The following TDO2 variants were observed in gnomAD, a reference collection of about 807,000 sequenced individuals.
TDO2 encodes tryptamin 2,3-dioxygenase.
In TDO2, 63 loss-of-function variants were observed where a neutral mutation model predicts 61.2. The ratio of observed to expected loss-of-function variants is 1.03; its 90% CI spans 0.84 to 1.27. The LOEUF (loss-of-function observed/expected upper bound fraction) is 1.27. Ranked by LOEUF, TDO2 falls within the 50% of genes most tolerant of loss-of-function variation. The probability of loss-of-function intolerance (pLI) is 0.00; values close to 1 mark genes in which losing one functional copy is unlikely to be tolerated. For synonymous variants in TDO2, 183 were observed against 164.0 expected (o/e 1.12, Z -0.89); for missense variants, 494 against 469.5 (o/e 1.05, Z -0.48).
intron 9 of TDO2, among the ~76,000 whole-genome samples, 157 bp from the exon 10 acceptor site, chr4:155,917,238 G>A (rs1295202395): frequency 6.6e-6 from 1 of 152,188 alleles, no homozygotes; most frequent in Non-Finnish European, 1.5e-5. Flanking sequence ...TTGAGATGGA[G>A]AAACTGAGAC....
At chr4:155,903,996 T>C (rs1219130629) in intron 1 of TDO2, 22 bp from the exon 2 acceptor site, 2 of 1,603,384 alleles carry the variant, frequency 1.2e-6, no homozygotes, top group South Asian at 1.1e-5. Flanking sequence ...TATTTTTCCC[T>C]CTTGATTTAT....
intron 2 of TDO2, 137 bp from the exon 3 acceptor site, chr4:155,904,930 T>A (rs1320072935): frequency 1.7e-6 from 1 of 593,548 alleles, no homozygotes; most frequent in African/African-American, 1.9e-5. Flanking sequence ...TCGTCCATTG[T>A]TTAAAAGAAA....
chr4:155,917,463 C>A lies in TDO2; in HGVS notation c.965C>A (p.Thr322Asn). The A allele has an allele frequency of 6.2e-7, 1 of 1,610,908 alleles. No homozygotes were observed. The highest frequency in any genetic ancestry group is 8.5e-7 in the Non-Finnish European group (1 of 1,178,682). Reference protein sequence around the residue: ...TSLMDIDSLMTKWRYNHVCMV... With the variant: ...TSLMDIDSLMNKWRYNHVCMV... The stretch of plus-strand genomic sequence containing the variant: ...CTTATGGACATAGATTCACTGATGA[C>A]CAAATGGAGATGTAAGTCCTTCCCA... Residue 322 changes from threonine (T) to asparagine (N), a missense_variant, in exon 10 of 12, where the codon ACC (threonine) becomes AAC (asparagine). Transcript: ENST00000536354.
chr4:155,907,047 G>C (rs1264425387), intron 3 of TDO2: 1 of 152,128 alleles, frequency 6.6e-6, no homozygotes, highest in Non-Finnish European at 1.5e-5. Flanking sequence ...GCAGTATTCA[G>C]GTTTGAACAA....
At chr4:155,904,825 A>G (rs1257685229) in intron 2 of TDO2, among the ~76,000 whole-genome samples, 1 of 152,180 alleles carries the variant, frequency 6.6e-6, no homozygotes, top group Non-Finnish European at 1.5e-5. Context: ...TGTCTCAAAG[A>G]GCTTAATAGG....
chr4:155,906,346 A>G (rs991020375), intron 3 of TDO2: 2 of 152,210 alleles, frequency 1.3e-5, no homozygotes, highest in Non-Finnish European at 2.9e-5. Flanking sequence ...AAAGATATAC[A>G]TAAACTGATC....
intron 8 of TDO2, among the ~76,000 whole-genome samples, chr4:155,914,910 C>T (rs766682472): frequency 6.6e-6 from 1 of 152,064 alleles, no homozygotes; most frequent in Non-Finnish European, 1.5e-5. Context: ...TACTAAGTTT[C>T]TTTTATTAGC....
chr4:155,911,362 C>A, intron 6 of TDO2, 135 bp from the exon 7 acceptor site: 11 of 464,684 alleles, frequency 2.4e-5, no homozygotes, highest in East Asian at 4.2e-5. Context: ...AAATAAAAAA[C>A]ATTTACAAAT....
chr4:155,903,995 C>T lies in TDO2; in HGVS notation c.36-23C>T, dbSNP rs762866821. 45 of 1,600,236 alleles carry T rather than the reference C, an allele frequency of 2.8e-5. No homozygotes were observed. The Middle Eastern group carries it at 5.0e-4, about 18-fold the overall frequency. On this transcript the variant is annotated intron_variant, in intron 1 of 11. Transcript: ENST00000536354. Reference sequence around the variant, plus strand: ...GTGTTTTCTAAAGCACTATTTTTCCCTCTTGATTTATTAAATTTGCAGATA... The same window carrying T: ...GTGTTTTCTAAAGCACTATTTTTCCTTCTTGATTTATTAAATTTGCAGATA...
At chr4:155,917,703 GA>G (rs1307668463) in intron 10 of TDO2, among the ~76,000 whole-genome samples, 1 of 152,050 alleles carries the variant, frequency 6.6e-6, no homozygotes, top group East Asian at 1.9e-4. Flanking sequence ...GGGGGCTCAT[GA>G]AAATGTTTTA....
At chr4:155,907,227 G>A (rs1230946591) in intron 3 of TDO2, 1 of 152,446 alleles carries the variant, frequency 6.6e-6, no homozygotes, top group East Asian at 1.9e-4. Flanking sequence ...TCTATGAGTT[G>A]CTAGGATTTT....
chr4:155,919,233 C>T (rs77792274), intron 11 of TDO2, among the ~76,000 whole-genome samples: 1,677 of 152,212 alleles, frequency 0.011, 26 homozygotes, highest in African/African-American at 0.037. Context: ...GTCAAAGGTC[C>T]TTGAATTGTA....
Position 155,911,615 on chromosome 4 carries a change from G to T in TDO2, c.726+11G>T. On this transcript the variant is annotated intron_variant, in intron 7 of 11. Coordinates refer to ENST00000536354, the MANE Select transcript of TDO2 (RefSeq NM_005651.4). ...TTCATAAGGATTCAGGTATTTAGAT[G>T]ACATGAGTTAATATAAATTCAATAC... The T allele has an allele frequency of 2.1e-6, 3 of 1,424,942 alleles. No homozygotes were observed. Among genetic ancestry groups the T allele is most frequent in the Non-Finnish European group, 2.8e-6 (3 of 1,059,580 alleles). The allele number at this position is 1,424,942 out of a possible 1,614,324, so 88.3% of individuals were successfully genotyped here.
At chr4:155,918,360 C>T (rs1004708556) in intron 11 of TDO2, 121 bp downstream of exon 11, 4 of 745,920 alleles carry the variant, frequency 5.4e-6, no homozygotes, top group Non-Finnish European at 8.9e-6. Flanking sequence ...ACTAACAACA[C>T]GTTTGTAGTT....
chr4:155,912,962 C>A (rs1742862952), intron 7 of TDO2, among the ~76,000 whole-genome samples: 1 of 152,046 alleles, frequency 6.6e-6, no homozygotes, highest in Non-Finnish European at 1.5e-5. Context: ...AATCAGTGAT[C>A]CTTGGCTCCG....
intron 3 of TDO2, 100 bp from the exon 4 acceptor site, chr4:155,907,622 A>T: frequency 1.3e-6 from 1 of 753,882 alleles, no homozygotes; most frequent in Non-Finnish European, 2.2e-6. Flanking sequence ...TTAAGGTAAC[A>T]TTTTAATTTC....
In TDO2 at chr4:155,908,934, A is replaced by G. The variant is rs774412784; in HGVS notation, c.351A>G (p.Arg117=). The change falls in exon 5 of 12, where the codon CGA becomes CGG. Residue 117 remains arginine (R), a synonymous_variant. Transcript: ENST00000536354. ...TTAAGGTTGTTTCTCGGATGCACCG[A>G]GTGTCAGTGATCCTGAAACTGCTGG... ...NMLKVVSRMH[R]VSVILKLLVQ... is the part of the protein sequence containing the mutation. The G allele has an allele frequency of 6.2e-7, 1 of 1,613,258 alleles. No homozygotes were observed. The highest frequency in any genetic ancestry group is 8.5e-7 in the Non-Finnish European group (1 of 1,179,690).
rs1742963297 is a variant in TDO2 at position 155,917,449 on chromosome 4, A to G, written c.951A>G (p.Ile317Met). The change falls in exon 10 of 12, where the codon ATA (isoleucine) becomes ATG (methionine). Residue 317 changes from isoleucine (I) to methionine (M), a missense_variant. By Grantham distance (10) the Ile-to-Met change is conservative (BLOSUM62 1). Coordinates refer to ENST00000536354, the MANE Select transcript of TDO2 (RefSeq NM_005651.4). ...AGTTGCTGACTTCTCTTATGGACAT[A>G]GATTCACTGATGACCAAATGGAGAT... Reference protein sequence around the residue: ...PFQLLTSLMDIDSLMTKWRYN... With the variant: ...PFQLLTSLMDMDSLMTKWRYN... 2 of 1,611,174 alleles carry G rather than the reference A, an allele frequency of 1.2e-6. No individual in the cohort carries two copies. Among genetic ancestry groups the G allele is most frequent in the African/African-American group, 1.3e-5 (1 of 74,766 alleles).
At chr4:155,918,438 T>G (rs1742984500) in intron 11 of TDO2, among the ~76,000 whole-genome samples, 199 bp downstream of exon 11, 1 of 152,254 alleles carries the variant, frequency 6.6e-6, no homozygotes, top group Admixed American at 6.5e-5. Flanking sequence ...TTCACTGTTT[T>G]GATCCTGTAT....
Sources: gnomAD v4.1 joint callset for allele counts (sites outside exome capture counted in the v4.1 genomes callset) on GRCh38, gnomAD v4.1.1 for gene constraint, MANE v1.5 for transcripts, NCBI Gene and HGNC (gene_info 2026-07-23, HGNC 2026-07-21) for gene names.